WWOX: variants seen among roughly 807,000 people sequenced by gnomAD.
WWOX encodes WW domain containing oxidoreductase.
WWOX carries 69 observed loss-of-function variants against 46.2 expected under a neutral mutation model. The ratio of observed to expected loss-of-function variants is 1.49; its 90% CI spans 1.23 to 1.82. The LOEUF is 1.82. Ranked by LOEUF, WWOX falls within the 40% of genes most tolerant of loss-of-function variation. The probability of loss-of-function intolerance (pLI) is 0.00; values close to 1 mark genes in which losing one functional copy is unlikely to be tolerated. For synonymous variants in WWOX, 359 were observed against 202.6 expected, an observed-to-expected ratio of 1.77 and a Z score of -6.56; for missense variants, 919 against 542.6, an observed-to-expected ratio of 1.69 and a Z score of -6.89.
chr16:78,616,155 C>A (rs80254456), intron 8 of WWOX, among the ~76,000 whole-genome samples: 4,197 of 152,096 alleles, frequency 0.028, 82 homozygotes, highest in South Asian at 0.088. Flanking sequence ...TAGCAATTGT[C>A]TTCGGCTTTC....
intron 8 of WWOX, among the ~76,000 whole-genome samples, chr16:78,677,978 T>C (rs2047644066): frequency 1.3e-5 from 2 of 152,330 alleles, no homozygotes; most frequent in Admixed American, 6.5e-5. Flanking sequence ...TAGCCACTGT[T>C]TAAAATAGCA....
intron 1 of WWOX, among the ~76,000 whole-genome samples, chr16:78,107,816 C>G (rs1227961808): frequency 6.6e-6 from 1 of 152,044 alleles, no homozygotes; most frequent in African/African-American, 2.4e-5. Context: ...TAAAAAGAAA[C>G]ACAAATAAAT....
chr16:78,775,631 G>C lies in WWOX; in HGVS notation c.1056+342879G>C, dbSNP rs185679856. Among the ~76,000 whole-genome samples, 6 of 152,284 alleles carry C rather than the reference G, an allele frequency of 3.9e-5. No individual in the cohort carries two copies. In the East Asian group the frequency reaches 1.2e-3, roughly 29 times the overall value. On this transcript the variant is annotated intron_variant, in intron 8 of 8. Transcript: ENST00000566780. ...CACAACTTCACCCTGCTCCAATGAG[G>C]ATGAAAATGTCTTTCTTATAGATGG...
chr16:78,136,234 C>G (rs2033786274), intron 4 of WWOX, among the ~76,000 whole-genome samples: 1 of 152,186 alleles, frequency 6.6e-6, no homozygotes, highest in South Asian at 2.1e-4. Flanking sequence ...ATAATGGAAT[C>G]TTCTACAAAG....
chr16:79,208,630 A>ATTT (rs1262016183), intron 8 of WWOX, among the ~76,000 whole-genome samples: 1 of 81,296 alleles, frequency 1.2e-5, no homozygotes, highest in Non-Finnish European at 2.8e-5. Flanking sequence ...GTGCTCTTTA[A>ATTT]ATTTTTTTTT....
intron 8 of WWOX, among the ~76,000 whole-genome samples, chr16:78,921,248 T>C (rs1023693122): frequency 1.2e-4 from 19 of 152,214 alleles, no homozygotes; most frequent in African/African-American, 4.6e-4. Context: ...GAAACCGCAC[T>C]GTGCCAGAAT....
At chr16:79,150,302 A>C (rs2050254276) in intron 8 of WWOX, among the ~76,000 whole-genome samples, 1 of 152,204 alleles carries the variant, frequency 6.6e-6, no homozygotes, top group Non-Finnish European at 1.5e-5. Flanking sequence ...CACACTAAAC[A>C]AGGGATTTCA....
intron 8 of WWOX, among the ~76,000 whole-genome samples, chr16:78,838,019 T>G (rs1036817045): frequency 6.6e-6 from 1 of 152,200 alleles, no homozygotes; most frequent in Non-Finnish European, 1.5e-5. Flanking sequence ...AAGGCTATTC[T>G]CATTTTGAGA....
chr16:78,857,689 G>C (rs958851711), intron 8 of WWOX, among the ~76,000 whole-genome samples: 1 of 152,116 alleles, frequency 6.6e-6, no homozygotes, highest in African/African-American at 2.4e-5. Context: ...TCTTTGAATT[G>C]ATCACTAGAG....
chr16:78,768,482 C>T (rs2049981198), intron 8 of WWOX, among the ~76,000 whole-genome samples: 1 of 151,618 alleles, frequency 6.6e-6, no homozygotes, highest in Non-Finnish European at 1.5e-5. Flanking sequence ...CCCAGCTACT[C>T]ACCAGGCTGA....
rs564600783 is a variant in WWOX at position 79,058,443 on chromosome 16, T to C, written c.1057-153165T>C. Among the ~76,000 whole-genome samples, 10 of 151,054 alleles carry C rather than the reference T, an allele frequency of 6.6e-5. No individual in the cohort carries two copies. In the East Asian group the frequency reaches 1.8e-3, roughly 26 times the overall value. On this transcript the variant is annotated intron_variant, in intron 8 of 8. Coordinates refer to ENST00000566780, the MANE Select transcript of WWOX (RefSeq NM_016373.4). The stretch of plus-strand genomic sequence containing the variant: ...CCATTTATTGAAAGGGAATGATGAA[T>C]GTAGTGAGAGAAGGAAGGAAGAGAG...
At chr16:79,069,296 C>T (rs80018904) in intron 8 of WWOX, among the ~76,000 whole-genome samples, 3 of 152,150 alleles carry the variant, frequency 2.0e-5, no homozygotes, top group East Asian at 1.9e-4. Context: ...CAGCGAAGGC[C>T]GTGTGGCTTC....
chr16:78,758,937 C>CAA (rs56184923), intron 8 of WWOX, among the ~76,000 whole-genome samples: 13 of 90,138 alleles, frequency 1.4e-4, no homozygotes, highest in South Asian at 3.5e-4. Context: ...CCACAAAAGA[C>CAA]AAAAAAAAAA....
chr16:78,132,027 C>CTTTTTTTTTTTTT (rs1298818927), intron 4 of WWOX, among the ~76,000 whole-genome samples: 2 of 128,524 alleles, frequency 1.6e-5, no homozygotes, highest in East Asian at 2.3e-4. Context: ...TTTTCTTTTT[C>CTTTTTTTTTTTTT]TTTTTTTTTT....
At chr16:78,999,648 T>G (rs1342883075) in intron 8 of WWOX, among the ~76,000 whole-genome samples, 1 of 152,194 alleles carries the variant, frequency 6.6e-6, no homozygotes, top group African/African-American at 2.4e-5. Flanking sequence ...TTTATAGTAT[T>G]TATTGTATGC....
chr16:78,764,588 G>A (rs1404163240), intron 8 of WWOX, among the ~76,000 whole-genome samples: 5 of 139,232 alleles, frequency 3.6e-5, no homozygotes, highest in Non-Finnish European at 6.1e-5. Context: ...CACATGTGCC[G>A]TGCCCCGGGT....
intron 8 of WWOX, among the ~76,000 whole-genome samples, chr16:79,207,320 G>C (rs2051548969): frequency 6.6e-6 from 1 of 152,254 alleles, no homozygotes; most frequent in Non-Finnish European, 1.5e-5. Context: ...GGCAGGGTTT[G>C]AAGAGGTATG....
intron 8 of WWOX, among the ~76,000 whole-genome samples, chr16:79,094,716 C>T (rs1001188758): frequency 1.3e-5 from 2 of 151,858 alleles, no homozygotes; most frequent in Non-Finnish European, 2.9e-5. Flanking sequence ...AACTTAGTGA[C>T]CATCTGAAGA....
At chr16:78,406,303 AATATATATATATATATATATATATAT>A (rs532594425) in intron 6 of WWOX, among the ~76,000 whole-genome samples, 1,975 of 57,852 alleles carry the variant, frequency 0.034, 86 homozygotes, top group African/African-American at 0.068. Context: ...TATAAATATA[AATATATATATATATATATATATATAT>A]ATATATATAT....
Sources: allele counts gnomAD v4.1 joint callset (sites outside exome capture counted in the v4.1 genomes callset), GRCh38; gene constraint gnomAD v4.1.1; transcripts MANE v1.5; gene names NCBI Gene and HGNC (gene_info 2026-07-23, HGNC 2026-07-21).